Variants in NRG1 observed in about 807,000 individuals in gnomAD.
NRG1 encodes the protein neuregulin 1, also known as pro-neuregulin-1, membrane-bound isoform.
Under a neutral mutation model 63.8 loss-of-function variants are expected in NRG1, and 18 were observed. The ratio of observed to expected loss-of-function variants is 0.28; its 90% CI spans 0.19 to 0.42. NRG1 has a LOEUF of 0.42. Among genes scored for constraint, NRG1 ranks in the 10% least tolerant of loss-of-function variants. NRG1 has a pLI of 1.00. For synonymous variants in NRG1, 302 were observed against 301.3 expected, an observed-to-expected ratio of 1.00 and a Z score of -0.02; for missense variants, 762 against 814.7, an observed-to-expected ratio of 0.94 and a Z score of 0.79.
intron 1 of NRG1, among the ~76,000 whole-genome samples, chr8:31,850,782 G>T (rs762368249): frequency 6.6e-6 from 1 of 152,150 alleles, no homozygotes; most frequent in Admixed American, 6.5e-5. Context: ...AAGTGAGTCT[G>T]CACTCTCTCA....
At chr8:32,345,280 A>G (rs2129478803) in intron 1 of NRG1, among the ~76,000 whole-genome samples, 1 of 141,280 alleles carries the variant, frequency 7.1e-6, no homozygotes, top group Middle Eastern at 3.6e-3. Context: ...GTTGGCCAGA[A>G]GTGCCTGTTG....
At chr8:32,614,953 C>T (rs926464792) in intron 4 of NRG1, among the ~76,000 whole-genome samples, 10 of 152,202 alleles carry the variant, frequency 6.6e-5, no homozygotes, top group East Asian at 5.8e-4. Flanking sequence ...ACATCTGATC[C>T]GTGACCTTTG....
intron 1 of NRG1, among the ~76,000 whole-genome samples, chr8:32,080,150 C>T (rs897521820): frequency 2.0e-5 from 3 of 151,996 alleles, no homozygotes; most frequent in African/African-American, 7.3e-5. Flanking sequence ...TAATGTTTAT[C>T]CTGCTTTTAA....
intron 1 of NRG1, among the ~76,000 whole-genome samples, chr8:31,902,258 T>C (rs573746323): frequency 2.2e-4 from 33 of 152,248 alleles, no homozygotes; most frequent in African/African-American, 7.7e-4. Context: ...TATTATCTAC[T>C]TAGGGATGCC....
chr8:31,735,191 A>T (rs1470783019), intron 1 of NRG1, among the ~76,000 whole-genome samples: 2 of 151,888 alleles, frequency 1.3e-5, no homozygotes, highest in African/African-American at 4.8e-5. Context: ...TGCCCTGACC[A>T]CCCCCATCCT....
intron 1 of NRG1, among the ~76,000 whole-genome samples, chr8:32,000,118 G>A (rs1339582269): frequency 6.6e-6 from 1 of 151,998 alleles, no homozygotes; most frequent in Non-Finnish European, 1.5e-5. Flanking sequence ...CAGATTGTCA[G>A]TTTCTTTTAA....
At chr8:32,567,435 A>T (rs1837663311) in intron 1 of NRG1, among the ~76,000 whole-genome samples, 1 of 152,184 alleles carries the variant, frequency 6.6e-6, no homozygotes, top group Non-Finnish European at 1.5e-5. Context: ...AATTAGATTA[A>T]AAAAGAAATT....
At chr8:31,813,599 G>A (rs1464659613) in intron 1 of NRG1, among the ~76,000 whole-genome samples, 1 of 144,832 alleles carries the variant, frequency 6.9e-6, no homozygotes, top group Non-Finnish European at 1.5e-5. Flanking sequence ...ATGGCTTACT[G>A]CAATCTCAAC....
intron 11 of NRG1, among the ~76,000 whole-genome samples, chr8:32,762,056 A>G (rs866667035): frequency 2.7e-5 from 4 of 149,576 alleles, no homozygotes; most frequent in African/African-American, 1.0e-4. Flanking sequence ...AAAAAAAAAA[A>G]AAAACATTCT....
chr8:31,924,884 T>G (rs1386034765), intron 1 of NRG1, among the ~76,000 whole-genome samples: 1 of 151,666 alleles, frequency 6.6e-6, no homozygotes, highest in African/African-American at 2.4e-5. Context: ...ATATGTTGCT[T>G]AAATTTAAAT....
intron 1 of NRG1, among the ~76,000 whole-genome samples, chr8:32,578,457 A>G (rs1423456623): frequency 7.7e-6 from 1 of 129,054 alleles, no homozygotes; most frequent in Non-Finnish European, 1.7e-5. Flanking sequence ...CACTGCAGAC[A>G]TTCTCTGTCC....
intron 1 of NRG1, among the ~76,000 whole-genome samples, chr8:31,704,182 T>C (rs988942802): frequency 2.0e-5 from 3 of 152,238 alleles, no homozygotes; most frequent in African/African-American, 4.8e-5. Context: ...TCTCTACATA[T>C]GGGTCTGAAA....
At position 32,684,725 on chromosome 8, in the gene NRG1, A is replaced by AT. The variant is rs546935923; in HGVS notation, c.503-43218dup. Among the ~76,000 whole-genome samples, 395 of 152,146 alleles carry AT rather than the reference A, an allele frequency of 2.6e-3. 3 individuals are homozygous for AT. The highest frequency in any genetic ancestry group is 8.9e-3 in the African/African-American group (368 of 41,500). On this transcript the variant is annotated intron_variant, in intron 5 of 11. Coordinates refer to ENST00000356819, the Ensembl canonical transcript of NRG1. ...CAACTTTAGTCAATGCTTAGCATTG[A>AT]TTTTTTGACAACTCATGTCCATTTC... is the stretch of plus-strand genomic sequence containing the variant.
At chr8:31,660,538 T>G (rs537275138) in intron 1 of NRG1, among the ~76,000 whole-genome samples, 2 of 152,360 alleles carry the variant, frequency 1.3e-5, no homozygotes, top group Admixed American at 1.3e-4. Context: ...GAAAAACAAT[T>G]AAAACAAGGA....
At chr8:32,468,469 C>A (rs976033131) in intron 1 of NRG1, among the ~76,000 whole-genome samples, 1 of 152,152 alleles carries the variant, frequency 6.6e-6, no homozygotes, top group Non-Finnish European at 1.5e-5. Context: ...TCTTCATCCT[C>A]CCAAAATCAC....
intron 1 of NRG1, among the ~76,000 whole-genome samples, chr8:32,312,153 G>GTTTTTTTTTTTTT (rs767575805): frequency 2.0e-5 from 2 of 98,206 alleles, no homozygotes; most frequent in Non-Finnish European, 4.0e-5. Flanking sequence ...ATTTGACCTT[G>GTTTTTTTTTTTTT]TTTGTTTTTT....
rs193028848 is a variant in NRG1 at position 31,686,849 on chromosome 8, A to C, written c.37+47418A>C. On this transcript the variant is annotated intron_variant, in intron 1 of 10. Transcript: ENST00000519301. ...AGTGGTGCAATTTCTGCTCACTGCA[A>C]CCTCCGCTTCCTTGGTTCAACGATT... 2.3e-3 allele frequency among the ~76,000 whole-genome samples: 344 copies of C among 151,512 alleles called. 3 individuals are homozygous for C. The highest frequency in any genetic ancestry group is 7.8e-3 in the African/African-American group (320 of 41,268).
At chr8:32,715,691 T>G (rs1589377915) in intron 5 of NRG1, among the ~76,000 whole-genome samples, 1 of 147,780 alleles carries the variant, frequency 6.8e-6, no homozygotes, top group African/African-American at 2.5e-5. Flanking sequence ...CAGGCTGGAG[T>G]GCAATGATGT....
At chr8:32,527,015 C>T (rs750582244) in intron 1 of NRG1, among the ~76,000 whole-genome samples, 11 of 152,194 alleles carry the variant, frequency 7.2e-5, no homozygotes, top group African/African-American at 2.7e-4. Flanking sequence ...CAGCTCCAAC[C>T]TTTCCCCTAT....
Sources: allele counts gnomAD v4.1 joint callset (sites outside exome capture counted in the v4.1 genomes callset), GRCh38; gene constraint gnomAD v4.1.1; transcripts MANE v1.5; gene names NCBI Gene and HGNC (gene_info 2026-07-23, HGNC 2026-07-21).